Variants in TENM4 observed in about 807,000 individuals in gnomAD.
The protein encoded by TENM4 is teneurin transmembrane protein 4.
TENM4 carries 82 observed loss-of-function variants against 243.3 expected under a neutral mutation model. The observed-to-expected ratio is 0.34, with a 90% confidence interval of 0.28 to 0.40. The LOEUF (loss-of-function observed/expected upper bound fraction) is 0.40, where lower values mean the gene tolerates loss of function less well. Among genes scored for constraint, TENM4 ranks in the 10% least tolerant of loss-of-function variants. The probability of loss-of-function intolerance (pLI) is 1.00; values close to 1 mark genes in which losing one functional copy is unlikely to be tolerated. For synonymous variants in TENM4, 1,412 were observed against 1,456.3 expected (o/e 0.97, Z 0.69); for missense variants, 3,138 against 3,673.3 (o/e 0.85, Z 3.77).
chr11:78,925,995 A>C (rs75814720), intron 6 of TENM4, among the ~76,000 whole-genome samples: 2,005 of 152,198 alleles, frequency 0.013, 59 homozygotes, highest in African/African-American at 0.046. Context: ...ATATTACATA[A>C]TTATATAACC....
Position 79,275,655 on chromosome 11 carries a change from G to A in TENM4, c.-265+21833C>T, listed in dbSNP as rs183115798. On this transcript the variant is annotated intron_variant, in intron 2 of 33. Coordinates refer to ENST00000278550, the MANE Select transcript of TENM4 (RefSeq NM_001098816.3). The stretch of plus-strand genomic sequence containing the variant: ...AGACAGAAAATGCAGCCCAGTAACC[G>A]TTTCAAAACAGTGACATGATGCTAG... 1.8e-4 allele frequency among the ~76,000 whole-genome samples: 28 copies of A among 152,110 alleles called. No individual in the cohort carries two copies. In the East Asian group the frequency reaches 2.3e-3, roughly 13 times the overall value.
chr11:79,027,937 G>A (rs1236004582), intron 6 of TENM4, among the ~76,000 whole-genome samples: 1 of 152,144 alleles, frequency 6.6e-6, no homozygotes. Context: ...TTAGGAAACT[G>A]AAGCTCAGTT....
At chr11:79,120,957 A>G (rs1029577539) in intron 4 of TENM4, among the ~76,000 whole-genome samples, 2 of 152,218 alleles carry the variant, frequency 1.3e-5, no homozygotes, top group Non-Finnish European at 2.9e-5. Flanking sequence ...TCGGGAGCTT[A>G]TATAACTTGC....
In TENM4 at chr11:79,316,336, C is replaced by G. The variant is rs550442379; in HGVS notation, c.-320-18793G>C. 8.3e-4 allele frequency among the ~76,000 whole-genome samples: 126 copies of G among 152,264 alleles called. 1 individual carries two copies. Among genetic ancestry groups the G allele is most frequent in the African/African-American group, 2.7e-3 (114 of 41,550 alleles). On this transcript the variant is annotated intron_variant, in intron 1 of 33. Transcript: ENST00000278550. ...GGAAAAATATAAACAAGGCTGGTTT[C>G]GACATCTTTTACCAGTTACTACAAA...
At chr11:79,007,149 C>A (rs1423739500) in intron 6 of TENM4, among the ~76,000 whole-genome samples, 1 of 152,170 alleles carries the variant, frequency 6.6e-6, no homozygotes, top group Non-Finnish European at 1.5e-5. Flanking sequence ...TTAAAATAAG[C>A]CTCTTTCTAT....
intron 15 of TENM4, among the ~76,000 whole-genome samples, chr11:78,796,181 C>T (rs1256272789): frequency 6.6e-6 from 1 of 152,166 alleles, no homozygotes; most frequent in African/African-American, 2.4e-5. Context: ...CTTTACAAAG[C>T]ACCTACCACA....
chr11:79,116,618 T>C (rs1861628025), intron 4 of TENM4, among the ~76,000 whole-genome samples: 1 of 152,194 alleles, frequency 6.6e-6, no homozygotes, highest in Non-Finnish European at 1.5e-5. Context: ...ACACACTAGG[T>C]GATAGTTACT....
At chr11:79,069,314 G>C (rs1860346011) in intron 5 of TENM4, among the ~76,000 whole-genome samples, 1 of 152,146 alleles carries the variant, frequency 6.6e-6, no homozygotes. Context: ...GCGCTTACTT[G>C]GTATTATCAG....
In TENM4 at chr11:79,169,819, G is replaced by T. The variant is rs540045108; in HGVS notation, c.-162-21013C>A. 3.9e-5 allele frequency among the ~76,000 whole-genome samples: 6 copies of T among 152,358 alleles called. No individual in the cohort carries two copies. The South Asian group carries it at 1.2e-3, about 32-fold the overall frequency. ...CATGCATAAGGAGCTGGCAGACAGA[G>T]ATCTTAGCAGGGTCTTCCCTGGGGA... On this transcript the variant is annotated intron_variant, in intron 3 of 33. Coordinates refer to ENST00000278550, the MANE Select transcript of TENM4 (RefSeq NM_001098816.3).
chr11:79,075,920 C>T lies in TENM4; in HGVS notation c.-65-5911G>A, dbSNP rs565366871. Among the ~76,000 whole-genome samples, 12 of 152,320 alleles carry T rather than the reference C, an allele frequency of 7.9e-5. No homozygotes were observed. In the South Asian group the frequency reaches 1.4e-3, roughly 18 times the overall value. On this transcript the variant is annotated intron_variant, in intron 4 of 33. Transcript: ENST00000278550. ...GGGCACTGGAGGTTCCAGAGAGGAG[C>T]GGGTCACAAGCCCTCCAGTGACAGC...
intron 2 of TENM4, among the ~76,000 whole-genome samples, chr11:79,238,787 C>T (rs555278090): frequency 2.6e-5 from 4 of 152,234 alleles, no homozygotes; most frequent in African/African-American, 7.2e-5. Flanking sequence ...CACTTTGTGA[C>T]GCTGAGGTGG....
chr11:79,428,610 T>G (rs1480830609), intron 1 of TENM4, among the ~76,000 whole-genome samples: 1 of 152,114 alleles, frequency 6.6e-6, no homozygotes, highest in Non-Finnish European at 1.5e-5. Flanking sequence ...TATCATGACA[T>G]CTCCAGGCAA....
rs934854567 is a variant in TENM4 at position 79,409,562 on chromosome 11, G to GC, written c.-321+30946dup. 6.8e-4 allele frequency among the ~76,000 whole-genome samples: 103 copies of GC among 152,068 alleles called. 1 individual carries two copies. The highest frequency in any genetic ancestry group is 2.3e-3 in the African/African-American group (97 of 41,480). ...TCCCATGAAGGAGGGTGGAAGAATA[G>GC]CCCCCCCGGAACCATTCTGGCTGCT... On this transcript the variant is annotated intron_variant, in intron 1 of 33. Coordinates refer to ENST00000278550, the MANE Select transcript of TENM4 (RefSeq NM_001098816.3).
chr11:79,376,236 T>C (rs876197), intron 1 of TENM4, among the ~76,000 whole-genome samples: 43,104 of 152,142 alleles, frequency 0.28, 6,246 homozygotes, highest in Middle Eastern at 0.34. Context: ...GTTTCACCTA[T>C]GTGGATGGAG....
At chr11:79,343,600 T>A (rs1857277513) in intron 1 of TENM4, among the ~76,000 whole-genome samples, 2 of 151,996 alleles carry the variant, frequency 1.3e-5, no homozygotes, top group Admixed American at 6.6e-5. Flanking sequence ...CTCACCTTTT[T>A]AAAAAGGACT....
intron 2 of TENM4, among the ~76,000 whole-genome samples, chr11:79,270,267 T>C (rs368444620): frequency 1.3e-5 from 2 of 152,194 alleles, no homozygotes; most frequent in Admixed American, 6.5e-5. Context: ...CACTTATGGG[T>C]GTGCACAAGG....
chr11:79,245,519 T>C (rs1240640673), intron 2 of TENM4, among the ~76,000 whole-genome samples: 1 of 152,224 alleles, frequency 6.6e-6, no homozygotes, highest in Non-Finnish European at 1.5e-5. Context: ...GTGCCTTAGT[T>C]TCTTCACCTG....
At chr11:79,289,894 T>C (rs1856324431) in intron 2 of TENM4, among the ~76,000 whole-genome samples, 1 of 152,222 alleles carries the variant, frequency 6.6e-6, no homozygotes, top group Admixed American at 6.5e-5. Context: ...CAAAGATAAG[T>C]TATCAATTCT....
chr11:79,022,451 T>G (rs573545500), intron 6 of TENM4, among the ~76,000 whole-genome samples: 1 of 152,202 alleles, frequency 6.6e-6, no homozygotes, highest in East Asian at 1.9e-4. Context: ...GATTTGTGAT[T>G]AAAGGCAAAC....
Sources: allele counts gnomAD v4.1 joint callset (sites outside exome capture counted in the v4.1 genomes callset), GRCh38; gene constraint gnomAD v4.1.1; transcripts MANE v1.5; gene names NCBI Gene and HGNC (gene_info 2026-07-23, HGNC 2026-07-21).